The following DPP10 variants were observed in gnomAD, a reference collection of about 807,000 sequenced individuals.
DPP10 encodes dipeptidyl peptidase like 10.
Under a neutral mutation model 120.9 loss-of-function variants are expected in DPP10, and 33 were observed. The ratio of observed to expected loss-of-function variants is 0.27; its 90% confidence interval spans 0.21 to 0.37. DPP10 has a LOEUF of 0.37. Ranked by LOEUF, DPP10 falls within the 10% of genes least tolerant of loss-of-function variation. The probability of loss-of-function intolerance (pLI) is 1.00; values close to 1 mark genes in which losing one functional copy is unlikely to be tolerated. For missense variants in DPP10, 816 were observed against 942.8 expected, an observed-to-expected ratio of 0.87 and a Z score of 1.76; for synonymous variants, 337 against 326.1, an observed-to-expected ratio of 1.03 and a Z score of -0.36.
chr2:115,806,209 C>T (rs1176702639), intron 19 of DPP10, among the ~76,000 whole-genome samples: 3 of 152,086 alleles, frequency 2.0e-5, no homozygotes, highest in Non-Finnish European at 4.4e-5. Flanking sequence ...ATTCCAATTT[C>T]CTTTTGCCTT....
intron 1 of DPP10, among the ~76,000 whole-genome samples, chr2:115,125,272 T>A (rs574275349): frequency 3.3e-5 from 5 of 152,290 alleles, no homozygotes; most frequent in African/African-American, 1.2e-4. Flanking sequence ...AAAAATCATC[T>A]CTGAGTATAA....
At chr2:114,832,141 A>G (rs1168852176) in intron 1 of DPP10, among the ~76,000 whole-genome samples, 1 of 152,182 alleles carries the variant, frequency 6.6e-6, no homozygotes, top group African/African-American at 2.4e-5. Flanking sequence ...AAATATCTTG[A>G]AATAACTTTT....
chr2:115,690,898 C>T (rs2149500053), intron 7 of DPP10, among the ~76,000 whole-genome samples: 1 of 152,222 alleles, frequency 6.6e-6, no homozygotes, highest in Middle Eastern at 3.4e-3. Context: ...GAGAGCGTTC[C>T]CTTGGTTCCA....
intron 5 of DPP10, among the ~76,000 whole-genome samples, chr2:115,612,138 T>G (rs1212307058): frequency 6.6e-6 from 1 of 152,194 alleles, no homozygotes; most frequent in African/African-American, 2.4e-5. Context: ...GACATGTGTC[T>G]AACCAAATCC....
chr2:114,844,895 A>G (rs1466864254), intron 1 of DPP10, among the ~76,000 whole-genome samples: 2 of 152,188 alleles, frequency 1.3e-5, no homozygotes, highest in South Asian at 4.1e-4. Flanking sequence ...GTTACTGACC[A>G]AAGTCTGTAC....
At chr2:114,708,381 G>C (rs1183439205) in intron 1 of DPP10, among the ~76,000 whole-genome samples, 1 of 152,174 alleles carries the variant, frequency 6.6e-6, no homozygotes, top group Non-Finnish European at 1.5e-5. Context: ...TTCTCCTTAT[G>C]TCAGGACACT....
intron 5 of DPP10, among the ~76,000 whole-genome samples, chr2:115,667,936 A>T (rs4496340): frequency 0.078 from 11,792 of 152,086 alleles, 638 homozygotes; most frequent in Non-Finnish European, 0.11. Context: ...TCTATATATT[A>T]AATTTCACAG....
chr2:115,691,765 C>T (rs984512559), intron 7 of DPP10, among the ~76,000 whole-genome samples: 1 of 152,050 alleles, frequency 6.6e-6, no homozygotes, highest in African/African-American at 2.4e-5. Context: ...GGGAAATTAA[C>T]ATCTTAGTGA....
At chr2:114,852,436 G>T (rs1267979798) in intron 1 of DPP10, among the ~76,000 whole-genome samples, 6 of 151,750 alleles carry the variant, frequency 4.0e-5, no homozygotes, top group African/African-American at 1.5e-4. Flanking sequence ...AACATATAGA[G>T]ACTTTTTTCT....
At chr2:115,061,068 A>G (rs886845429) in intron 1 of DPP10, among the ~76,000 whole-genome samples, 5 of 152,266 alleles carry the variant, frequency 3.3e-5, no homozygotes, top group African/African-American at 4.8e-5. Context: ...CTATTCTAAG[A>G]CTTAAAATTG....
intron 1 of DPP10, among the ~76,000 whole-genome samples, chr2:114,476,810 C>T (rs1680412722): frequency 6.6e-6 from 1 of 152,120 alleles, no homozygotes; most frequent in South Asian, 2.1e-4. Context: ...ATACCCATGC[C>T]TGTATAGTCA....
intron 1 of DPP10, among the ~76,000 whole-genome samples, chr2:114,823,045 T>C (rs1298826058): frequency 6.6e-6 from 1 of 152,210 alleles, no homozygotes; most frequent in Non-Finnish European, 1.5e-5. Context: ...GCTGTTTCCA[T>C]GTTTTCAGGT....
chr2:115,189,819 C>T (rs568281326), intron 1 of DPP10, among the ~76,000 whole-genome samples: 13 of 152,248 alleles, frequency 8.5e-5, no homozygotes, highest in African/African-American at 1.4e-4. Context: ...ACACCTTCTA[C>T]GCTGCGAGAG....
At chr2:115,507,870 A>G (rs1011454702) in intron 4 of DPP10, among the ~76,000 whole-genome samples, 1 of 152,156 alleles carries the variant, frequency 6.6e-6, no homozygotes, top group African/African-American at 2.4e-5. Flanking sequence ...GCAGGGTGTG[A>G]ACTATGTACA....
intron 1 of DPP10, among the ~76,000 whole-genome samples, chr2:114,954,507 G>A (rs1276541219): frequency 1.3e-5 from 2 of 151,868 alleles, no homozygotes; most frequent in Non-Finnish European, 2.9e-5. Context: ...CAAAAAAGAA[G>A]AAAGATCCCA....
chr2:115,361,713 C>A (rs2064780802), intron 3 of DPP10, among the ~76,000 whole-genome samples: 1 of 151,996 alleles, frequency 6.6e-6, no homozygotes, highest in African/African-American at 2.4e-5. Context: ...TTCCTTAGGA[C>A]CTGTTAAGGG....
chr2:114,856,816 G>A (rs1160706369), intron 1 of DPP10, among the ~76,000 whole-genome samples: 1 of 152,106 alleles, frequency 6.6e-6, no homozygotes, highest in African/African-American at 2.4e-5. Flanking sequence ...AACTCACCTA[G>A]CTATATGCTT....
chr2:115,178,006 ACCTGC>A (rs1223308983), intron 1 of DPP10, among the ~76,000 whole-genome samples: 1 of 152,122 alleles, frequency 6.6e-6, no homozygotes, highest in Non-Finnish European at 1.5e-5. Context: ...CTCGTGATCC[ACCTGC>A]CTCGGCCTCC....
intron 1 of DPP10, among the ~76,000 whole-genome samples, chr2:114,460,570 T>C (rs17048382): frequency 1.3e-5 from 2 of 152,202 alleles, no homozygotes; most frequent in African/African-American, 4.8e-5. Context: ...AACTTATTTA[T>C]GACACAAATT....
Sources: gnomAD v4.1 joint callset for allele counts (sites outside exome capture counted in the v4.1 genomes callset) on GRCh38, gnomAD v4.1.1 for gene constraint, MANE v1.5 for transcripts, NCBI Gene and HGNC (gene_info 2026-07-23, HGNC 2026-07-21) for gene names.